Variants in WDFY4 observed in about 807,000 individuals in gnomAD.
WDFY4 encodes WD repeat- and FYVE domain-containing protein 4.
A neutral mutation model predicts 351.9 loss-of-function variants in WDFY4; 169 were observed. The ratio of observed to expected loss-of-function variants is 0.48; its 90% confidence interval spans 0.42 to 0.55. The LOEUF is 0.55. Ranked by LOEUF, WDFY4 falls within the 20% of genes least tolerant of loss-of-function variation. WDFY4 has a pLI of 0.00. For missense variants in WDFY4, 3,803 were observed against 3,935.6 expected (o/e 0.97, Z 0.90); for synonymous variants, 1,622 against 1,574.6 (o/e 1.03, Z -0.71).
At chr10:48,717,107 G>A (rs2063934898) in intron 2 of WDFY4, among the ~76,000 whole-genome samples, 1 of 152,236 alleles carries the variant, frequency 6.6e-6, no homozygotes, top group South Asian at 2.1e-4. Context: ...CATAGTAATA[G>A]TACAAACCTC....
At chr10:48,901,602 G>A (rs537489082) in intron 46 of WDFY4, among the ~76,000 whole-genome samples, 199 bp from the exon 47 acceptor site, 3 of 152,288 alleles carry the variant, frequency 2.0e-5, no homozygotes, top group Admixed American at 2.0e-4. Context: ...TGGTATTAAG[G>A]CAATAGTGTG....
intron 6 of WDFY4, among the ~76,000 whole-genome samples, chr10:48,726,749 G>A (rs1296369851): frequency 1.3e-5 from 2 of 152,224 alleles, no homozygotes; most frequent in Non-Finnish European, 2.9e-5. Flanking sequence ...GCAGCTGAGA[G>A]GCTGAGCTTG....
chr10:48,782,988 T>G (rs1403441784), intron 19 of WDFY4, among the ~76,000 whole-genome samples: 2 of 152,080 alleles, frequency 1.3e-5, no homozygotes, highest in Non-Finnish European at 1.5e-5. Flanking sequence ...AACAGAGAGA[T>G]AAGAGAGCAC....
At position 48,806,019 on chromosome 10, in the gene WDFY4, T is replaced by G. The variant is rs1299259546; in HGVS notation, c.4662T>G (p.Val1554=). The G allele has an allele frequency of 6.4e-7, 1 of 1,551,704 alleles. No individual in the cohort carries two copies. The highest frequency in any genetic ancestry group is 2.4e-5 in the East Asian group (1 of 40,898). Residue 1554 remains valine (V), a synonymous_variant, in exon 27 of 62, where the codon GTT becomes GTG. Coordinates refer to ENST00000325239, the MANE Select transcript of WDFY4 (RefSeq NM_001394531.1). ...GTGTATAAAGGATTGGGCTGTTTGT[T>G]GTGTACACCCTCAAGCCTTCGTCGG... ...TQDLLRIGLF[V]VYTLKPSSVN... is the part of the protein sequence containing the mutation.
At chr10:48,743,673 C>A in intron 12 of WDFY4, 125 bp downstream of exon 12, 1 of 1,088,104 alleles carries the variant, frequency 9.2e-7, no homozygotes, top group Middle Eastern at 2.2e-4. Context: ...TGTCATGTGA[C>A]CTCAACTTCC....
chr10:48,731,749 A>G (rs977256612), intron 9 of WDFY4, among the ~76,000 whole-genome samples, 187 bp downstream of exon 9: 8 of 152,236 alleles, frequency 5.3e-5, no homozygotes, highest in African/African-American at 2.4e-5. Context: ...TGAAGAAGTG[A>G]AAGGGATGGG....
intron 51 of WDFY4, among the ~76,000 whole-genome samples, chr10:48,955,108 G>T (rs1006376782): frequency 1.3e-5 from 2 of 152,158 alleles, no homozygotes; most frequent in African/African-American, 4.8e-5. Flanking sequence ...CAGATGCAAG[G>T]CTTGGGCTGC....
At chr10:48,939,723 TA>T (rs1447245295) in intron 47 of WDFY4, among the ~76,000 whole-genome samples, 1 of 152,220 alleles carries the variant, frequency 6.6e-6, no homozygotes, top group Non-Finnish European at 1.5e-5. Flanking sequence ...TTTAAAACAA[TA>T]TTTTTAAAAA....
At chr10:48,828,333 C>CA (rs1373699998) in intron 36 of WDFY4, among the ~76,000 whole-genome samples, 1 of 152,028 alleles carries the variant, frequency 6.6e-6, no homozygotes, top group East Asian at 1.9e-4. Flanking sequence ...AGCAGAGCCC[C>CA]AAAAAAGGGT....
intron 47 of WDFY4, among the ~76,000 whole-genome samples, chr10:48,919,978 C>A (rs1238576020): frequency 6.6e-6 from 1 of 152,090 alleles, no homozygotes; most frequent in Non-Finnish European, 1.5e-5. Flanking sequence ...GACCAATATT[C>A]TTCATGAACA....
At chr10:48,711,359 C>T (rs1019926354) in intron 2 of WDFY4, among the ~76,000 whole-genome samples, 1 of 152,230 alleles carries the variant, frequency 6.6e-6, no homozygotes, top group Admixed American at 6.5e-5. Flanking sequence ...AGCCCTAGCC[C>T]TGCCTGCCCT....
intron 27 of WDFY4, among the ~76,000 whole-genome samples, chr10:48,806,869 G>A (rs557708873): frequency 2.0e-5 from 3 of 152,306 alleles, no homozygotes; most frequent in South Asian, 4.1e-4. Flanking sequence ...CTGTAGCCAC[G>A]TTTTAAGTGC....
intron 1 of WDFY4, among the ~76,000 whole-genome samples, chr10:48,688,503 G>T (rs1381867474): frequency 6.6e-6 from 1 of 152,148 alleles, no homozygotes; most frequent in Non-Finnish European, 1.5e-5. Flanking sequence ...CTTTATAGCA[G>T]TAGTGCATAT....
intron 55 of WDFY4, 40 bp downstream of exon 55, chr10:48,966,713 G>C (rs1564535993): frequency 6.5e-7 from 1 of 1,535,328 alleles, no homozygotes; most frequent in Non-Finnish European, 8.8e-7. Context: ...TCCTGTCCCA[G>C]GGTTGTCCCT....
intron 43 of WDFY4, among the ~76,000 whole-genome samples, chr10:48,887,728 G>C (rs1400688065): frequency 7.4e-6 from 1 of 135,338 alleles, no homozygotes; most frequent in Admixed American, 7.2e-5. Context: ...GCAGTGAGTG[G>C]AGATCTCGCC....
chr10:48,974,209 G>A (rs894379028), intron 57 of WDFY4, among the ~76,000 whole-genome samples: 2 of 151,954 alleles, frequency 1.3e-5, no homozygotes, highest in Non-Finnish European at 2.9e-5. Flanking sequence ...TATGTTAATC[G>A]TAACATGAAC....
chr10:48,771,810 T>C (rs2663044), intron 13 of WDFY4, among the ~76,000 whole-genome samples: 1 of 152,012 alleles, frequency 6.6e-6, no homozygotes, highest in Non-Finnish European at 1.5e-5. Flanking sequence ...TACCCAGAAG[T>C]TGATGTTGAG....
intron 12 of WDFY4, among the ~76,000 whole-genome samples, chr10:48,744,985 C>T (rs996257438): frequency 1.3e-5 from 2 of 152,130 alleles, no homozygotes; most frequent in Non-Finnish European, 2.9e-5. Context: ...GCCCTATGAA[C>T]CAACTTTGAC....
chr10:48,901,696 GA>G, intron 46 of WDFY4, 104 bp from the exon 47 acceptor site: 1 of 1,238,592 alleles, frequency 8.1e-7, no homozygotes, highest in Non-Finnish European at 1.2e-6. Context: ...GAGCGAGGGG[GA>G]GCAATAATGA....
Sources: gnomAD v4.1 joint callset for allele counts (sites outside exome capture counted in the v4.1 genomes callset) on GRCh38, gnomAD v4.1.1 for gene constraint, MANE v1.5 for transcripts, NCBI Gene and HGNC (gene_info 2026-07-23, HGNC 2026-07-21) for gene names.